AGBL4: variants seen among roughly 807,000 people sequenced by gnomAD.
The protein encoded by AGBL4 is AGBL carboxypeptidase 4.
Under a neutral mutation model 66.4 loss-of-function variants are expected in AGBL4, and 58 were observed. That is an observed-to-expected ratio of 0.87 (90% CI 0.71 to 1.09). AGBL4 has a LOEUF of 1.09. Among genes scored for constraint, AGBL4 ranks in the 50% least tolerant of loss-of-function variants. The pLI is 0.00. For missense variants in AGBL4, 579 were observed against 631.0 expected, an observed-to-expected ratio of 0.92 and a Z score of 0.88; for synonymous variants, 234 against 222.9, an observed-to-expected ratio of 1.05 and a Z score of -0.44.
chr1:49,519,814 T>A (rs1008274990), intron 3 of AGBL4, among the ~76,000 whole-genome samples: 1 of 152,112 alleles, frequency 6.6e-6, no homozygotes, highest in African/African-American at 2.4e-5. Context: ...AAGCTGAGTT[T>A]GGCAGAGACT....
At chr1:49,901,090 C>A (rs903018321) in intron 1 of AGBL4, among the ~76,000 whole-genome samples, 1 of 152,118 alleles carries the variant, frequency 6.6e-6, no homozygotes, top group Non-Finnish European at 1.5e-5. Context: ...CTTCTTTTAT[C>A]ACTCTATAAA....
At chr1:49,670,705 A>G (rs368386914) in intron 3 of AGBL4, among the ~76,000 whole-genome samples, 3 of 152,310 alleles carry the variant, frequency 2.0e-5, no homozygotes, top group African/African-American at 7.2e-5. Context: ...GGCCTGAGGT[A>G]TTTGAGCACA....
In AGBL4 at chr1:49,600,050, T is replaced by G. The variant is rs190424336; in HGVS notation, c.282+97263A>C. On this transcript the variant is annotated intron_variant, in intron 3 of 13. Coordinates refer to ENST00000371839, the MANE Select transcript of AGBL4 (RefSeq NM_032785.4). ...TCCAATTATGTGGTCAGTTTTAGAA[T>G]AAATGCTATGTGGTGCTGAGAAGAA... Among the ~76,000 whole-genome samples, 171 of 152,332 alleles carry G rather than the reference T, an allele frequency of 1.1e-3. 1 individual carries two copies. The highest frequency in any genetic ancestry group is 4.0e-3 in the African/African-American group (168 of 41,584).
chr1:49,227,535 A>C (rs1399889794), intron 4 of AGBL4, among the ~76,000 whole-genome samples: 2 of 152,266 alleles, frequency 1.3e-5, no homozygotes, highest in East Asian at 3.9e-4. Flanking sequence ...GAGCCCATTC[A>C]GTCAAACAGC....
intron 6 of AGBL4, among the ~76,000 whole-genome samples, chr1:48,857,144 G>A (rs1647190575): frequency 6.6e-6 from 1 of 152,122 alleles, no homozygotes; most frequent in African/African-American, 2.4e-5. Context: ...AGATTTATGT[G>A]GAAAATATAT....
At chr1:48,912,506 G>A (rs184034472) in intron 5 of AGBL4, among the ~76,000 whole-genome samples, 5 of 152,278 alleles carry the variant, frequency 3.3e-5, no homozygotes, top group African/African-American at 4.8e-5. Context: ...CACTGCCACT[G>A]GGCTGTAGGA....
intron 4 of AGBL4, among the ~76,000 whole-genome samples, chr1:49,110,572 CCTT>C (rs1645386513): frequency 6.6e-6 from 1 of 152,128 alleles, no homozygotes; most frequent in African/African-American, 2.4e-5. Flanking sequence ...ATAAAGGTGT[CCTT>C]CTTAACAAAG....
At chr1:48,718,717 G>C (rs893694673) in intron 6 of AGBL4, among the ~76,000 whole-genome samples, 2 of 152,144 alleles carry the variant, frequency 1.3e-5, no homozygotes, top group African/African-American at 4.8e-5. Flanking sequence ...TGCTGTCAGG[G>C]CCACACCACT....
intron 1 of AGBL4, among the ~76,000 whole-genome samples, chr1:49,889,789 C>A (rs1023696759): frequency 6.6e-6 from 1 of 152,034 alleles, no homozygotes; most frequent in Non-Finnish European, 1.5e-5. Context: ...GTTTTCTAAT[C>A]TTCTAAATTT....
intron 6 of AGBL4, among the ~76,000 whole-genome samples, chr1:48,735,333 CCT>C (rs1308172949): frequency 6.6e-6 from 1 of 152,002 alleles, no homozygotes; most frequent in Non-Finnish European, 1.5e-5. Flanking sequence ...GTGTCTTACC[CCT>C]CTTTGTGTCT....
At chr1:49,917,743 A>G (rs1014371979) in intron 1 of AGBL4, among the ~76,000 whole-genome samples, 4 of 152,188 alleles carry the variant, frequency 2.6e-5, no homozygotes, top group Non-Finnish European at 4.4e-5. Context: ...CCTAATAGAC[A>G]TCTACAGAAC....
intron 3 of AGBL4, among the ~76,000 whole-genome samples, chr1:49,335,763 C>T (rs1323019582): frequency 6.6e-6 from 1 of 152,146 alleles, no homozygotes; most frequent in African/African-American, 2.4e-5. Flanking sequence ...GATCCGCCCA[C>T]CTTGGCCCCC....
chr1:49,240,636 A>T (rs1394816263), intron 4 of AGBL4, among the ~76,000 whole-genome samples: 1 of 149,130 alleles, frequency 6.7e-6, no homozygotes, highest in African/African-American at 2.5e-5. Context: ...TGGCCTTTAA[A>T]TGTAGGGATT....
intron 4 of AGBL4, among the ~76,000 whole-genome samples, chr1:49,182,681 G>C (rs1646949966): frequency 6.6e-6 from 1 of 151,994 alleles, no homozygotes; most frequent in Admixed American, 6.6e-5. Context: ...GTGGGTATAA[G>C]CTGTTTTTTT....
intron 3 of AGBL4, among the ~76,000 whole-genome samples, chr1:49,670,926 G>T (rs964443686): frequency 6.6e-6 from 1 of 152,148 alleles, no homozygotes; most frequent in Non-Finnish European, 1.5e-5. Flanking sequence ...GCAATTTACA[G>T]ATTCAATGCT....
At chr1:49,396,382 G>A (rs111644946) in intron 3 of AGBL4, among the ~76,000 whole-genome samples, 1,738 of 151,952 alleles carry the variant, frequency 0.011, 32 homozygotes, top group African/African-American at 0.03. Context: ...GTGTGTGTGC[G>A]TGTGCACATG....
intron 4 of AGBL4, among the ~76,000 whole-genome samples, chr1:49,243,591 T>C (rs527819910): frequency 6.6e-6 from 1 of 151,982 alleles, no homozygotes; most frequent in East Asian, 1.9e-4. Context: ...ATAAAAATTC[T>C]AAATATAAAG....
At chr1:48,723,404 T>A (rs1054107962) in intron 6 of AGBL4, among the ~76,000 whole-genome samples, 1 of 152,154 alleles carries the variant, frequency 6.6e-6, no homozygotes, top group Non-Finnish European at 1.5e-5. Context: ...GGGAGGAGAT[T>A]CGGGTGGAAA....
intron 6 of AGBL4, among the ~76,000 whole-genome samples, chr1:48,778,468 G>A (rs546507641): frequency 6.6e-6 from 1 of 152,258 alleles, no homozygotes; most frequent in South Asian, 2.1e-4. Flanking sequence ...ACAGTATAAT[G>A]AGAAAAGTAT....
Sources: allele counts gnomAD v4.1 joint callset (sites outside exome capture counted in the v4.1 genomes callset), GRCh38; gene constraint gnomAD v4.1.1; transcripts MANE v1.5; gene names NCBI Gene and HGNC (gene_info 2026-07-23, HGNC 2026-07-21).